The following PTPRA variants were observed in gnomAD, a reference collection of about 807,000 sequenced individuals.
The protein encoded by PTPRA is receptor-type tyrosine-protein phosphatase alpha.
Under a neutral mutation model 104.8 loss-of-function variants are expected in PTPRA, and 25 were observed. The ratio of observed to expected loss-of-function variants is 0.24; its 90% CI spans 0.17 to 0.33. The LOEUF is 0.33. Ranked by LOEUF, PTPRA falls within the 10% of genes least tolerant of loss-of-function variation. PTPRA has a pLI of 1.00. For synonymous variants in PTPRA, 323 were observed against 368.9 expected (o/e 0.88, Z 1.43); for missense variants, 765 against 1,015.3 (o/e 0.75, Z 3.35).
At chr20:3,010,632 A>T (rs1033608720) in intron 11 of PTPRA, among the ~76,000 whole-genome samples, 4 of 152,092 alleles carry the variant, frequency 2.6e-5, no homozygotes, top group African/African-American at 9.7e-5. Flanking sequence ...TGTCTCAAAA[A>T]AAATAAATAA....
chr20:2,956,353 C>T (rs906395986), intron 3 of PTPRA, among the ~76,000 whole-genome samples: 20 of 152,248 alleles, frequency 1.3e-4, no homozygotes, highest in South Asian at 2.1e-4. Flanking sequence ...ATGATATGAT[C>T]GCTGCCTCCT....
rs553721696 is a variant in PTPRA, at chr20:3,035,798, G to A, written c.2055G>A (p.Lys685=). The A allele has an allele frequency of 1.9e-6, 3 of 1,614,176 alleles. No homozygotes were observed. The highest frequency in any genetic ancestry group is 1.7e-5 in the Admixed American group (1 of 60,026). The change falls in exon 22 of 24, where the codon AAG becomes AAA. Residue 685 remains lysine (K), a synonymous_variant. Transcript: ENST00000399903. The surrounding 1 kb of genome is among the most constrained non-coding windows in gnomAD (Gnocchi z 5.8). The part of the protein sequence containing the change: ...DLLVTNTREN[K]SRQIRQFHFH... ...TCCCCTTTTTTCCAAAGGAGAATAA[G>A]AGCCGGCAGATCCGGCAGTTCCACT...
intron 5 of PTPRA, among the ~76,000 whole-genome samples, chr20:2,970,174 G>T (rs2062126163): frequency 6.6e-6 from 1 of 152,046 alleles, no homozygotes; most frequent in Non-Finnish European, 1.5e-5. Context: ...TTCCCCATCA[G>T]TGGACACTAA....
At chr20:2,980,853 A>C (rs1344936924) in intron 6 of PTPRA, among the ~76,000 whole-genome samples, 1 of 152,184 alleles carries the variant, frequency 6.6e-6, no homozygotes, top group East Asian at 1.9e-4. Context: ...AGTGGCTTAG[A>C]CTGTGCTCAC....
intron 2 of PTPRA, among the ~76,000 whole-genome samples, chr20:2,937,604 A>G (rs1351140547): frequency 1.3e-5 from 2 of 152,208 alleles, no homozygotes; most frequent in East Asian, 1.9e-4. Context: ...ATATATATGC[A>G]TAACATATAT....
chr20:2,923,455 C>T (rs73575843), intron 2 of PTPRA, among the ~76,000 whole-genome samples, 170 bp downstream of exon 2: 5,620 of 151,684 alleles, frequency 0.037, 346 homozygotes, highest in African/African-American at 0.13. Flanking sequence ...TACTTCTTAA[C>T]CTGATTATGA....
intron 11 of PTPRA, among the ~76,000 whole-genome samples, chr20:3,008,383 G>A (rs2063973148): frequency 6.6e-6 from 1 of 152,128 alleles, no homozygotes; most frequent in Non-Finnish European, 1.5e-5. Flanking sequence ...GACAAATATT[G>A]TATGATTCTA....
chr20:2,911,219 T>C (rs1471700604), intron 1 of PTPRA, among the ~76,000 whole-genome samples: 1 of 152,298 alleles, frequency 6.6e-6, no homozygotes, highest in Middle Eastern at 3.4e-3. Flanking sequence ...TTCCTAGTTT[T>C]GTTAAGTGTT....
chr20:2,949,102 T>A lies in PTPRA; in HGVS notation c.-7+1078T>A, dbSNP rs565081138. On this transcript the variant is annotated intron_variant, in intron 3 of 23. Transcript: ENST00000399903. ...TTCTACAACTTCTCCCACTTTTGCCTTTCTTATGTACCTTCCCTTCCTTCC... is the reference window on the plus strand; with the variant it reads ...TTCTACAACTTCTCCCACTTTTGCCATTCTTATGTACCTTCCCTTCCTTCC... 5.7e-4 allele frequency among the ~76,000 whole-genome samples: 87 copies of A among 152,172 alleles called. 1 individual carries two copies. The highest frequency in any genetic ancestry group is 3.2e-3 in the Admixed American group (49 of 15,280).
chr20:2,974,196 T>G (rs2062322746), intron 5 of PTPRA, among the ~76,000 whole-genome samples: 1 of 151,966 alleles, frequency 6.6e-6, no homozygotes, highest in Non-Finnish European at 1.5e-5. Context: ...CTTTGTGATC[T>G]GCCCACTTCG....
intron 1 of PTPRA, among the ~76,000 whole-genome samples, chr20:2,889,629 T>C (rs1384009594): frequency 6.6e-6 from 1 of 152,220 alleles, no homozygotes; most frequent in Admixed American, 6.5e-5. Context: ...TCATGTCTTT[T>C]CTTTCTGGGA....
At chr20:3,031,892 A>G (rs1600286479) in intron 20 of PTPRA, among the ~76,000 whole-genome samples, 1 of 152,162 alleles carries the variant, frequency 6.6e-6, no homozygotes, top group African/African-American at 2.4e-5. Flanking sequence ...CAAACTCTCT[A>G]GTAAAACCCA....
chr20:2,886,038 G>A (rs896363517), intron 1 of PTPRA, among the ~76,000 whole-genome samples: 10 of 152,190 alleles, frequency 6.6e-5, no homozygotes, highest in African/African-American at 2.4e-4. Context: ...CAGTGTGGGC[G>A]ACAGAGCAAG....
At chr20:2,989,354 A>G (rs147805495) in intron 9 of PTPRA, among the ~76,000 whole-genome samples, 3,837 of 152,086 alleles carry the variant, frequency 0.025, 70 homozygotes, top group Non-Finnish European at 0.039. Flanking sequence ...AATCGCTTGA[A>G]CCCAGGAGGC....
At chr20:3,028,827 C>G (rs2065272061) in intron 20 of PTPRA, among the ~76,000 whole-genome samples, 1 of 152,116 alleles carries the variant, frequency 6.6e-6, no homozygotes, top group Non-Finnish European at 1.5e-5. Context: ...TAAAAAATCC[C>G]TCTGGCAGCA....
At chr20:2,953,399 G>A (rs989432429) in intron 3 of PTPRA, among the ~76,000 whole-genome samples, 10 of 151,652 alleles carry the variant, frequency 6.6e-5, no homozygotes, top group South Asian at 4.2e-4. Flanking sequence ...GACTACAGGC[G>A]CGCGTTACCA....
At chr20:2,920,742 G>T (rs1489299226) in intron 1 of PTPRA, among the ~76,000 whole-genome samples, 2 of 151,970 alleles carry the variant, frequency 1.3e-5, no homozygotes, top group African/African-American at 4.8e-5. Context: ...TTTGAGGTGG[G>T]AGAGTATGAA....
Position 2,923,193 on chromosome 20 carries a change from T to C in PTPRA, c.-128-14T>C. ...TGTTGTATATTTCTAAAGGTATTTTTCCTTTTGTTGCAGGTGACACAACTA... is the reference window on the plus strand; with the variant it reads ...TGTTGTATATTTCTAAAGGTATTTTCCCTTTTGTTGCAGGTGACACAACTA... On this transcript the variant is annotated splice_polypyrimidine_tract_variant and intron_variant, in intron 1 of 23. Coordinates refer to ENST00000399903, the MANE Select transcript of PTPRA (RefSeq NM_001385305.1). The C allele has an allele frequency of 9.1e-7, 1 of 1,098,936 alleles. No homozygotes were observed. The highest frequency in any genetic ancestry group is 1.2e-6 in the Non-Finnish European group (1 of 828,964). The allele number at this position is 1,098,936 out of a possible 1,614,324, so 68.1% of individuals were successfully genotyped here.
At chr20:2,929,572 C>CT (rs2060433768) in intron 2 of PTPRA, among the ~76,000 whole-genome samples, 1 of 152,086 alleles carries the variant, frequency 6.6e-6, no homozygotes, top group Non-Finnish European at 1.5e-5. Context: ...TGTTTGTAAT[C>CT]TTAGTACTTT....
Sources: gnomAD v4.1 joint callset for allele counts (sites outside exome capture counted in the v4.1 genomes callset) on GRCh38, gnomAD v4.1.1 for gene constraint, Gnocchi (gnomAD v3.1) non-coding constraint, MANE v1.5 for transcripts, NCBI Gene and HGNC (gene_info 2026-07-23, HGNC 2026-07-21) for gene names.